GRK5: variants seen among roughly 807,000 people sequenced by gnomAD.
GRK5 encodes the protein G protein-coupled receptor kinase 5.
GRK5 carries 40 observed loss-of-function variants against 78.4 expected under a neutral mutation model. That is an observed-to-expected ratio of 0.51 (90% CI 0.40 to 0.66). The LOEUF (loss-of-function observed/expected upper bound fraction) is 0.66, where lower values mean the gene tolerates loss of function less well. Among genes scored for constraint, GRK5 ranks in the 30% least tolerant of loss-of-function variants. The probability of loss-of-function intolerance (pLI) is 0.00; values close to 1 mark genes in which losing one functional copy is unlikely to be tolerated. For missense variants in GRK5, 598 were observed against 759.9 expected (o/e 0.79, Z 2.50); for synonymous variants, 289 against 296.8 (o/e 0.97, Z 0.27).
In GRK5 at chr10:119,263,787, G is replaced by A. The variant is rs150356921; in HGVS notation, c.52+55818G>A. ...AAAAATACAAAAAAATTAGCCGGGC[G>A]TGGTGGCGGGCGCCTGTATAGTCCC... On this transcript the variant is annotated intron_variant, in intron 1 of 15. Coordinates refer to ENST00000392870, the MANE Select transcript of GRK5 (RefSeq NM_005308.3). 1.9e-4 allele frequency among the ~76,000 whole-genome samples: 29 copies of A among 152,200 alleles called. 2 individuals carry two copies. The East Asian group carries it at 4.8e-3, about 25-fold the overall frequency.
At chr10:119,263,416 C>A (rs1453920761) in intron 1 of GRK5, among the ~76,000 whole-genome samples, 1 of 152,096 alleles carries the variant, frequency 6.6e-6, no homozygotes, top group African/African-American at 2.4e-5. Context: ...TGGAATCTCA[C>A]TTGTGTGTGT....
intron 1 of GRK5, among the ~76,000 whole-genome samples, chr10:119,273,991 C>A (rs1361380458): frequency 6.6e-6 from 1 of 152,222 alleles, no homozygotes; most frequent in Non-Finnish European, 1.5e-5. Context: ...CCAGGCTGAT[C>A]TCAAACTCTG....
At chr10:119,442,836 T>C (rs1443346464) in intron 11 of GRK5, among the ~76,000 whole-genome samples, 1 of 152,184 alleles carries the variant, frequency 6.6e-6, no homozygotes, top group Non-Finnish European at 1.5e-5. Context: ...TCTGTGTGTA[T>C]GTGAGTGTGT....
chr10:119,386,495 C>T lies in GRK5; in HGVS notation c.261+5568C>T, dbSNP rs1033192749. Among the ~76,000 whole-genome samples, 3 of 152,254 alleles carry T rather than the reference C, an allele frequency of 2.0e-5. No homozygotes were observed. In the South Asian group the frequency reaches 6.2e-4, roughly 32 times the overall value. On this transcript the variant is annotated intron_variant, in intron 3 of 15. Coordinates refer to ENST00000392870, the MANE Select transcript of GRK5 (RefSeq NM_005308.3). ...AATGGATGCCCATTTTCATTCTGGT[C>T]GTGCCATCGTTCCCTCTCTCTGGGC...
chr10:119,350,300 A>C (rs1229042532), intron 2 of GRK5, among the ~76,000 whole-genome samples: 1 of 152,186 alleles, frequency 6.6e-6, no homozygotes, highest in South Asian at 2.1e-4. Flanking sequence ...TGGGAGGGAG[A>C]GGTGGTGGGA....
intron 1 of GRK5, among the ~76,000 whole-genome samples, chr10:119,283,618 G>C (rs1219944605): frequency 6.6e-6 from 1 of 152,220 alleles, no homozygotes; most frequent in Non-Finnish European, 1.5e-5. Context: ...CTAGGCCTTG[G>C]GGTGGAGCTA....
intron 1 of GRK5, among the ~76,000 whole-genome samples, chr10:119,236,444 G>A (rs1455378164): frequency 6.6e-6 from 1 of 152,094 alleles, no homozygotes; most frequent in Admixed American, 6.5e-5. Context: ...TCGATCTCCC[G>A]ATCTCGTGAT....
chr10:119,293,992 C>G (rs1056514603), intron 1 of GRK5, among the ~76,000 whole-genome samples: 1 of 152,132 alleles, frequency 6.6e-6, no homozygotes, highest in African/African-American at 2.4e-5. Context: ...CCTCCACCCC[C>G]ACCTCTGCTT....
At chr10:119,260,167 A>AT (rs1849350415) in intron 1 of GRK5, among the ~76,000 whole-genome samples, 1 of 151,780 alleles carries the variant, frequency 6.6e-6, no homozygotes, top group Non-Finnish European at 1.5e-5. Context: ...GCCCGGCTAA[A>AT]TTTTTTTGTA....
chr10:119,308,679 T>A (rs539319121), intron 1 of GRK5, among the ~76,000 whole-genome samples: 2 of 152,256 alleles, frequency 1.3e-5, no homozygotes, highest in African/African-American at 4.8e-5. Context: ...GGAGCTTTCT[T>A]ACGCCTCGTT....
In GRK5 at chr10:119,242,381, A is replaced by G. The variant is rs992432732; in HGVS notation, c.52+34412A>G. 1.1e-4 allele frequency among the ~76,000 whole-genome samples: 16 copies of G among 151,696 alleles called. 1 individual carries two copies. Among genetic ancestry groups the G allele is most frequent in the Non-Finnish European group, 2.1e-4 (14 of 67,964 alleles). The stretch of plus-strand genomic sequence containing the variant: ...GGTTTTTCATAGCTGAAAGCCCACA[A>G]GCTGTGCTGCATTGACGTCAGGAAG... On this transcript the variant is annotated intron_variant, in intron 1 of 15. Transcript: ENST00000392870.
chr10:119,300,949 A>G (rs1850170099), intron 1 of GRK5, among the ~76,000 whole-genome samples: 1 of 152,006 alleles, frequency 6.6e-6, no homozygotes, highest in South Asian at 2.1e-4. Context: ...AAAACAAAAA[A>G]CAAAAAAAGC....
In GRK5 at chr10:119,217,223, A is replaced by C. The variant is rs1005327037; in HGVS notation, c.52+9254A>C. Among the ~76,000 whole-genome samples, 1 of 152,246 alleles carries C rather than the reference A, an allele frequency of 6.6e-6. No homozygotes were observed. The highest frequency in any genetic ancestry group is 1.5e-5 in the Non-Finnish European group (1 of 68,042). On this transcript the variant is annotated intron_variant, in intron 1 of 15. Coordinates refer to ENST00000392870, the MANE Select transcript of GRK5 (RefSeq NM_005308.3). This position sits in a 1 kb window ranked among gnomAD's most constrained non-coding sequence, Gnocchi z 4.1. ...CTGGGAAAAGGGGCAAATTGGGAAT[A>C]TAATTTCTGTCTCAGACCGTGATTT...
chr10:119,218,239 G>C (rs79345379), intron 1 of GRK5, among the ~76,000 whole-genome samples: 1,733 of 152,236 alleles, frequency 0.011, 26 homozygotes, highest in African/African-American at 0.04. Context: ...GCTCCCTGAT[G>C]ATGAGGGTAC....
chr10:119,407,049 G>A lies in GRK5; in HGVS notation c.339+10277G>A, dbSNP rs180830985. On this transcript the variant is annotated intron_variant, in intron 4 of 15. Coordinates refer to ENST00000392870, the MANE Select transcript of GRK5 (RefSeq NM_005308.3). ...CAGGGGCTGCCCAGTTCTGGGCCCCGCACGCAGTTTTATCTGCAGATTCCC... is the reference window on the plus strand; with the variant it reads ...CAGGGGCTGCCCAGTTCTGGGCCCCACACGCAGTTTTATCTGCAGATTCCC... 4.6e-5 allele frequency among the ~76,000 whole-genome samples: 7 copies of A among 152,334 alleles called. No individual in the cohort carries two copies. The East Asian group carries it at 1.2e-3, about 25-fold the overall frequency.
At chr10:119,219,481 G>A (rs1281658859) in intron 1 of GRK5, among the ~76,000 whole-genome samples, 1 of 152,126 alleles carries the variant, frequency 6.6e-6, no homozygotes, top group African/African-American at 2.4e-5. Context: ...AAGCACTTCT[G>A]GTCACAAGCA....
intron 1 of GRK5, among the ~76,000 whole-genome samples, chr10:119,251,473 C>A (rs955771322): frequency 6.6e-6 from 1 of 152,228 alleles, no homozygotes; most frequent in Non-Finnish European, 1.5e-5. Context: ...TCTCCCGAAG[C>A]CTTGGCCTTC....
Position 119,457,869 on chromosome 10 carries a change from G to A in GRK5, c.*2802G>A, listed in dbSNP as rs1853422459. 1 of 74,750 alleles carries A rather than the reference G, an allele frequency of 1.3e-5. No homozygotes were observed. The highest frequency in any genetic ancestry group is 4.2e-5 in the African/African-American group (1 of 23,756). 4.6% of individuals were successfully genotyped at this position (74,750 alleles called of 1,614,324 possible). On this transcript the variant is annotated 3_prime_UTR_variant, in exon 16 of 16. Coordinates refer to ENST00000392870, the MANE Select transcript of GRK5 (RefSeq NM_005308.3). ...ACTCAGCTAATTTTTAAAATTTTTTGTAGAGATGGGGGGGGGGTCTCCCCA... is the reference window on the plus strand; with the variant it reads ...ACTCAGCTAATTTTTAAAATTTTTTATAGAGATGGGGGGGGGGTCTCCCCA...
chr10:119,324,584 C>A (rs867044831), intron 1 of GRK5, among the ~76,000 whole-genome samples: 4 of 152,094 alleles, frequency 2.6e-5, no homozygotes, highest in African/African-American at 9.7e-5. Context: ...GAACCGAGAT[C>A]GTGCCATTGC....
Sources: gnomAD v4.1 joint callset for allele counts (sites outside exome capture counted in the v4.1 genomes callset) on GRCh38, gnomAD v4.1.1 for gene constraint, Gnocchi (gnomAD v3.1) non-coding constraint, MANE v1.5 for transcripts, NCBI Gene and HGNC (gene_info 2026-07-23, HGNC 2026-07-21) for gene names.